The following LAMA2 variants were observed in gnomAD, a reference collection of about 807,000 sequenced individuals.
The protein encoded by LAMA2 is laminin subunit alpha-2.
Under a neutral mutation model 364.8 loss-of-function variants are expected in LAMA2, and 269 were observed. That is an observed-to-expected ratio of 0.74 (90% CI 0.67 to 0.82). The LOEUF is 0.82. Ranked by LOEUF, LAMA2 falls within the 40% of genes least tolerant of loss-of-function variation. The probability of loss-of-function intolerance (pLI) is 0.00; values close to 1 mark genes in which losing one functional copy is unlikely to be tolerated. For synonymous variants in LAMA2, 1,379 were observed against 1,370.6 expected (o/e 1.01, Z -0.14); for missense variants, 3,807 against 3,873.2 (o/e 0.98, Z 0.45).
At chr6:129,320,481 A>C in intron 27 of LAMA2, 57 bp from the exon 28 acceptor site, 1 of 971,760 alleles carries the variant, frequency 1.0e-6, no homozygotes, top group Non-Finnish European at 1.7e-6. Context: ...TTGATTGTTT[A>C]CTAGGTGATC....
At chr6:128,987,140 G>GTTTTTTTT (rs764115716) in intron 1 of LAMA2, among the ~76,000 whole-genome samples, 1 of 121,358 alleles carries the variant, frequency 8.2e-6, no homozygotes, top group Non-Finnish European at 1.7e-5. Flanking sequence ...TTTTTTTTTT[G>GTTTTTTTT]TTTTTTTTTT....
intron 58 of LAMA2, among the ~76,000 whole-genome samples, chr6:129,497,162 T>A (rs1785252001): frequency 2.0e-5 from 3 of 152,234 alleles, no homozygotes; most frequent in African/African-American, 7.2e-5. Context: ...GTAATGATGA[T>A]ATATACATTG....
At chr6:128,898,272 A>G (rs1776887527) in intron 1 of LAMA2, among the ~76,000 whole-genome samples, 1 of 152,176 alleles carries the variant, frequency 6.6e-6, no homozygotes, top group Non-Finnish European at 1.5e-5. Context: ...GGATGGTAAT[A>G]GAACTGCCTA....
chr6:129,359,728 G>T (rs1030397958), intron 32 of LAMA2, among the ~76,000 whole-genome samples: 1 of 138,386 alleles, frequency 7.2e-6, no homozygotes, highest in African/African-American at 2.7e-5. Flanking sequence ...TTTATGTATC[G>T]CTACCTAAAA....
chr6:129,484,518 C>A (rs146540506), intron 55 of LAMA2, among the ~76,000 whole-genome samples: 3 of 151,998 alleles, frequency 2.0e-5, no homozygotes, highest in African/African-American at 7.3e-5. Context: ...CTAGAAACAA[C>A]CCAAGTGTTC....
intron 3 of LAMA2, among the ~76,000 whole-genome samples, chr6:129,092,153 G>A (rs369759691): frequency 6.6e-5 from 10 of 152,216 alleles, no homozygotes; most frequent in South Asian, 2.1e-4. Flanking sequence ...CATGACCTCC[G>A]CTCTCCTTCC....
intron 12 of LAMA2, among the ~76,000 whole-genome samples, chr6:129,207,174 G>T (rs569641630): frequency 6.6e-6 from 1 of 152,110 alleles, no homozygotes; most frequent in Non-Finnish European, 1.5e-5. Context: ...CCAAAGAAAC[G>T]GGCCCTTCTT....
chr6:129,392,205 A>G (rs1421471810), intron 36 of LAMA2, among the ~76,000 whole-genome samples: 2 of 152,218 alleles, frequency 1.3e-5, no homozygotes, highest in Non-Finnish European at 1.5e-5. Context: ...GATTTTACCC[A>G]TGCTAAAGAA....
intron 12 of LAMA2, among the ~76,000 whole-genome samples, chr6:129,211,392 C>A (rs1384545669): frequency 6.6e-6 from 1 of 152,154 alleles, no homozygotes; most frequent in Non-Finnish European, 1.5e-5. Flanking sequence ...TTTTCTACCT[C>A]CAACCTCCCT....
chr6:129,366,219 T>C lies in LAMA2; in HGVS notation c.4718T>C (p.Phe1573Ser), dbSNP rs2114619809. The C allele has an allele frequency of 1.2e-6, 2 of 1,613,814 alleles. No individual in the cohort carries two copies. Among genetic ancestry groups the C allele is most frequent in the Non-Finnish European group, 1.7e-6 (2 of 1,179,918 alleles). Residue 1573 changes from phenylalanine (F) to serine (S), a missense_variant and splice_region_variant, in exon 33 of 65, where the codon TTT (phenylalanine) becomes TCT (serine). Transcript: ENST00000421865. ...WHAREGWECVFCGDECTGLLL... is the reference protein window; with the variant it reads ...WHAREGWECVSCGDECTGLLL... ...ACTCTTTGTCACTTCTCTTTCACAGTTTGTGGAGATGAGTGCACTGGCCTT... is the reference window on the plus strand; with the variant it reads ...ACTCTTTGTCACTTCTCTTTCACAGCTTGTGGAGATGAGTGCACTGGCCTT...
At chr6:129,260,926 C>T (rs1787082573) in intron 15 of LAMA2, 104 bp downstream of exon 15, 2 of 757,960 alleles carry the variant, frequency 2.6e-6, no homozygotes, top group Admixed American at 3.8e-5. Context: ...AATAATTACA[C>T]AAATAATGTG....
chr6:129,212,950 C>A (rs945003578), intron 12 of LAMA2, among the ~76,000 whole-genome samples: 1 of 152,180 alleles, frequency 6.6e-6, no homozygotes, highest in African/African-American at 2.4e-5. Flanking sequence ...CTTTCTGTTG[C>A]TGTGCATACC....
At chr6:129,068,892 A>T (rs982579895) in intron 3 of LAMA2, among the ~76,000 whole-genome samples, 2 of 152,138 alleles carry the variant, frequency 1.3e-5, no homozygotes, top group African/African-American at 4.8e-5. Context: ...AAAAGTTAGT[A>T]TAAAAGAAAG....
At position 129,192,836 on chromosome 6, in the gene LAMA2, C is replaced by G; in HGVS notation, c.1765C>G (p.Pro589Ala). ...CAGCTACTACTGGAGCGCGCCGGCT[C>G]CCTATCTGGGAAACAAAGTAAGTCC... ...PHSYYWSAPA[P>A]YLGNKLPAVG... is the part of the protein sequence containing the mutation. The change falls in exon 12 of 65, where the codon CCC becomes GCC. Residue 589 changes from proline to alanine, a missense_variant. Around this residue, in one of 3 missense-constraint regions of LAMA2, gnomAD observed 3,333 missense variants for 3,345.7 expected, o/e 1.00. Coordinates refer to ENST00000421865, the MANE Select transcript of LAMA2 (RefSeq NM_000426.4). The G allele has an allele frequency of 2.5e-6, 4 of 1,613,924 alleles. No homozygotes were observed. The highest frequency in any genetic ancestry group is 3.4e-6 in the Non-Finnish European group (4 of 1,179,914).
intron 4 of LAMA2, among the ~76,000 whole-genome samples, chr6:129,127,620 T>C (rs1777191459): frequency 6.6e-6 from 1 of 152,250 alleles, no homozygotes; most frequent in Non-Finnish European, 1.5e-5. Context: ...ATGGCTGTAC[T>C]AATTTACATT....
Position 129,078,166 on chromosome 6 carries a change from G to A in LAMA2, c.396+18270G>A, listed in dbSNP as rs959502776. On this transcript the variant is annotated intron_variant, in intron 3 of 64. Coordinates refer to ENST00000421865, the MANE Select transcript of LAMA2 (RefSeq NM_000426.4). ...TTTTTCTTTTTTGAGACAAAGTCTTGCTGTGTCGCTCAGACTGGAGTGCAG... is the reference window on the plus strand; with the variant it reads ...TTTTTCTTTTTTGAGACAAAGTCTTACTGTGTCGCTCAGACTGGAGTGCAG... Among the ~76,000 whole-genome samples the A allele has an allele frequency of 4.0e-5, 6 of 150,922 alleles. No homozygotes were observed. In the South Asian group the frequency reaches 1.3e-3, roughly 32 times the overall value.
chr6:129,334,171 A>G (rs1667295851), intron 29 of LAMA2, among the ~76,000 whole-genome samples: 1 of 152,302 alleles, frequency 6.6e-6, no homozygotes, highest in African/African-American at 2.4e-5. Flanking sequence ...TTTATGTGCA[A>G]TATGGCTCTC....
At chr6:129,313,340 T>C (rs888632777) in intron 23 of LAMA2, among the ~76,000 whole-genome samples, 5 of 152,218 alleles carry the variant, frequency 3.3e-5, no homozygotes, top group African/African-American at 1.2e-4. Context: ...GTGGAGATGA[T>C]CTATTTTCAA....
intron 1 of LAMA2, among the ~76,000 whole-genome samples, chr6:128,950,083 A>T (rs183796263): frequency 1.8e-4 from 28 of 152,324 alleles, no homozygotes; most frequent in Admixed American, 1.6e-3. Flanking sequence ...AGTACTTACA[A>T]TATGCCCGGG....
Sources: allele counts gnomAD v4.1 joint callset (sites outside exome capture counted in the v4.1 genomes callset), GRCh38; gene constraint gnomAD v4.1.1; regional missense constraint gnomAD v4.1.1; transcripts MANE v1.5; gene names NCBI Gene and HGNC (gene_info 2026-07-23, HGNC 2026-07-21).